The following CCDC6 variants were observed in gnomAD, a reference collection of about 807,000 sequenced individuals.
The protein encoded by CCDC6 is coiled-coil domain-containing protein 6.
A neutral mutation model predicts 56.6 loss-of-function variants in CCDC6; 20 were observed. That is an observed-to-expected ratio of 0.35 (90% CI 0.25 to 0.51). The LOEUF (loss-of-function observed/expected upper bound fraction) is 0.51. Among genes scored for constraint, CCDC6 ranks in the 20% least tolerant of loss-of-function variants. The pLI, the probability that CCDC6 is intolerant of heterozygous loss-of-function variation, is 0.95. For synonymous variants in CCDC6, 241 were observed against 234.4 expected (o/e 1.03, Z -0.26); for missense variants, 367 against 601.1 (o/e 0.61, Z 4.07).
chr10:59,888,587 T>C (rs867814970), intron 1 of CCDC6, among the ~76,000 whole-genome samples: 1 of 152,144 alleles, frequency 6.6e-6, no homozygotes, highest in Non-Finnish European at 1.5e-5. Context: ...CAGGGCTTAA[T>C]AGCAGAGGGG....
intron 6 of CCDC6, 180 bp from the exon 7 acceptor site, chr10:59,804,700 G>C (rs1745466966): frequency 1.8e-6 from 1 of 552,592 alleles, no homozygotes; most frequent in Admixed American, 3.0e-5. Context: ...TCTGCTGTTT[G>C]ACAAACCTCA....
At chr10:59,854,564 G>C (rs979062989) in intron 1 of CCDC6, among the ~76,000 whole-genome samples, 3 of 151,104 alleles carry the variant, frequency 2.0e-5, no homozygotes, top group African/African-American at 7.3e-5. Flanking sequence ...CAGTCCATAG[G>C]TTCCCCCAGT....
Position 59,906,318 on chromosome 10 carries a change from C to T in CCDC6, c.107G>A (p.Gly36Asp). 1 of 1,600,998 alleles carries T rather than the reference C, an allele frequency of 6.2e-7. No homozygotes were observed. The change falls in exon 1 of 9, where the codon GGC becomes GAC. Residue 36 changes from glycine to aspartate, a missense_variant. By Grantham distance (94) the Gly-to-Asp change is moderately conservative (BLOSUM62 -1). This residue lies in a region of CCDC6 where 79 missense variants were observed against 74.9 expected (regional missense o/e 1.05). Coordinates refer to ENST00000263102, the MANE Select transcript of CCDC6 (RefSeq NM_005436.5). ...CCCACCGCCGCCGCCTCCCCCGCCG[C>T]CACCGCCGCCGCCCGAGGTCGACGA... Reference protein sequence around the residue: ...SCSSTSGGGGGGGGGGGGGKS... With the variant: ...SCSSTSGGGGDGGGGGGGGKS...
At chr10:59,841,341 AC>A (rs2070936225) in intron 2 of CCDC6, among the ~76,000 whole-genome samples, 1 of 152,150 alleles carries the variant, frequency 6.6e-6, no homozygotes, top group African/African-American at 2.4e-5. Flanking sequence ...TAGAACTTCA[AC>A]TGTCCCTATG....
chr10:59,798,972 C>A (rs1031915447), intron 7 of CCDC6, among the ~76,000 whole-genome samples: 1 of 124,486 alleles, frequency 8.0e-6, no homozygotes, highest in Admixed American at 1.0e-4. Flanking sequence ...CCAGCCTGCG[C>A]GACAGAGCAA....
At chr10:59,832,689 G>C (rs6479653) in intron 2 of CCDC6, 36 bp from the exon 3 acceptor site, 181,143 of 1,602,948 alleles carry the variant, frequency 0.11, 13,474 homozygotes, top group African/African-American at 0.33. Context: ...TGGAAATCAG[G>C]CAACTCAAAT....
chr10:59,789,627 A>G lies in CCDC6; in HGVS notation c.*3290T>C. 4.4e-6 allele frequency: 1 copy of G among 227,680 alleles called. No homozygotes were observed. Among genetic ancestry groups the G allele is most frequent in the Non-Finnish European group, 8.7e-6 (1 of 114,344 alleles). The allele number at this position is 227,680 out of a possible 1,614,324, so 14.1% of individuals were successfully genotyped here. ...ACTATGTATTTCTTTGGTAGTCATCACTACAAAGTTTTCAGTGTTGGTTAC... is the reference window on the plus strand; with the variant it reads ...ACTATGTATTTCTTTGGTAGTCATCGCTACAAAGTTTTCAGTGTTGGTTAC... On this transcript the variant is annotated 3_prime_UTR_variant, in exon 9 of 9. Coordinates refer to ENST00000263102, the MANE Select transcript of CCDC6 (RefSeq NM_005436.5).
chr10:59,806,434 A>G (rs1213146192), intron 6 of CCDC6: 1 of 152,466 alleles, frequency 6.6e-6, no homozygotes, highest in African/African-American at 2.4e-5. Flanking sequence ...AGTGGCTACA[A>G]AAAGGCTCAA....
At chr10:59,889,503 T>C (rs544014561) in intron 1 of CCDC6, among the ~76,000 whole-genome samples, 93 of 152,300 alleles carry the variant, frequency 6.1e-4, no homozygotes, top group African/African-American at 1.8e-3. Flanking sequence ...CACAAAGTAC[T>C]CAACAGCTGC....
At chr10:59,826,083 G>C (rs531651797) in intron 3 of CCDC6, among the ~76,000 whole-genome samples, 1 of 152,218 alleles carries the variant, frequency 6.6e-6, no homozygotes, top group South Asian at 2.1e-4. Flanking sequence ...GATAATCACT[G>C]AACATGGTTA....
In CCDC6 at chr10:59,807,088, C is replaced by CA. The variant is rs1433956661; in HGVS notation, c.848-11dup. 6 of 1,611,882 alleles carry CA rather than the reference C, an allele frequency of 3.7e-6. No individual in the cohort carries two copies. The highest frequency in any genetic ancestry group is 1.7e-5 in the Admixed American group (1 of 59,572). ...GCCATTTTCTCTGAATCTGAAAAGT[C>CA]AGAGTTTTCAATTAAACCATGTTTC... On this transcript the variant is annotated splice_polypyrimidine_tract_variant and intron_variant, in intron 5 of 8. Transcript: ENST00000263102.
At chr10:59,861,966 A>C (rs2071132350) in intron 1 of CCDC6, among the ~76,000 whole-genome samples, 1 of 152,210 alleles carries the variant, frequency 6.6e-6, no homozygotes, top group Non-Finnish European at 1.5e-5. Context: ...GAAGCTCAGA[A>C]AGTCCCAGTC....
chr10:59,877,027 A>C (rs887926263), intron 1 of CCDC6, among the ~76,000 whole-genome samples: 2 of 152,216 alleles, frequency 1.3e-5, no homozygotes, highest in African/African-American at 4.8e-5. Flanking sequence ...AGGCAATTGT[A>C]ACATAAGATT....
At chr10:59,828,893 A>C (rs1165556940) in intron 3 of CCDC6, among the ~76,000 whole-genome samples, 1 of 152,188 alleles carries the variant, frequency 6.6e-6, no homozygotes, top group Non-Finnish European at 1.5e-5. Context: ...CTGGGGAAAA[A>C]GGTAGTCTTC....
chr10:59,876,073 CTTTTTT>C (rs1172379933), intron 1 of CCDC6, among the ~76,000 whole-genome samples: 3,103 of 97,566 alleles, frequency 0.032, 384 homozygotes, highest in Non-Finnish European at 0.04. Context: ...GCACAGATGT[CTTTTTT>C]TTTTTTTTTT....
intron 2 of CCDC6, among the ~76,000 whole-genome samples, chr10:59,838,191 T>C (rs2070902023): frequency 6.6e-6 from 1 of 151,690 alleles, no homozygotes; most frequent in Non-Finnish European, 1.5e-5. Flanking sequence ...ATCTCATGAG[T>C]TACCAAGGCC....
Position 59,832,642 on chromosome 10 carries a change from C to T in CCDC6, c.465G>A (p.Glu155=). 6.2e-7 allele frequency: 1 copy of T among 1,612,312 alleles called. No individual in the cohort carries two copies. Among genetic ancestry groups the T allele is most frequent in the Non-Finnish European group, 8.5e-7 (1 of 1,179,506 alleles). ...CAAGATGCTGTTCTAGTTCGGCTTT[C>T]TCATGCTGCAACTGGAAAATGAAAA... ...LSRKLMQLQH[E]KAELEQHLEQ... The change falls in exon 3 of 9, where the codon GAG becomes GAA. Residue 155 remains glutamate, a synonymous_variant. Transcript: ENST00000263102.
At chr10:59,827,642 G>A (rs548519274) in intron 3 of CCDC6, among the ~76,000 whole-genome samples, 3 of 152,268 alleles carry the variant, frequency 2.0e-5, no homozygotes, top group Non-Finnish European at 4.4e-5. Context: ...ATTATAAATG[G>A]ATGCTAATAA....
Position 59,791,228 on chromosome 10 carries a change from C to T in CCDC6, c.*1689G>A, listed in dbSNP as rs146682802. The T allele has an allele frequency of 7.2e-4, 141 of 197,094 alleles. 1 individual carries two copies. Among genetic ancestry groups the T allele is most frequent in the African/African-American group, 3.0e-3 (129 of 43,386 alleles). 12.2% of individuals were successfully genotyped at this position (197,094 alleles called of 1,614,324 possible). On this transcript the variant is annotated 3_prime_UTR_variant, in exon 9 of 9. Transcript: ENST00000263102. ...CATTATAAATAAAATTTATATAGACCTACAGTTTCTTCCAAACAATTGAGT... is the reference window on the plus strand; with the variant it reads ...CATTATAAATAAAATTTATATAGACTTACAGTTTCTTCCAAACAATTGAGT...
Sources: gnomAD v4.1 joint callset for allele counts (sites outside exome capture counted in the v4.1 genomes callset) on GRCh38, gnomAD v4.1.1 for gene constraint, gnomAD v4.1.1 regional missense constraint, MANE v1.5 for transcripts, NCBI Gene and HGNC (gene_info 2026-07-23, HGNC 2026-07-21) for gene names.